AFF2: variants seen among roughly 807,000 people sequenced by gnomAD.
The protein encoded by AFF2 is ALF transcription elongation factor 2, also known as AF4/FMR2 family member 2.
In AFF2, 14 loss-of-function variants were observed where a neutral mutation model predicts 76.9. The observed-to-expected ratio is 0.18, with a 90% CI of 0.12 to 0.28. The LOEUF is 0.28. Ranked by LOEUF, AFF2 falls within the 10% of genes least tolerant of loss-of-function variation. The probability of loss-of-function intolerance (pLI) is 1.00; values close to 1 mark genes in which losing one functional copy is unlikely to be tolerated. For missense variants in AFF2, 868 were observed against 1,001.1 expected, an observed-to-expected ratio of 0.87 and a Z score of 1.79; for synonymous variants, 398 against 366.7, an observed-to-expected ratio of 1.09 and a Z score of -0.98.
At chrX:148,545,806 C>T (rs1188142985) in intron 1 of AFF2, among the ~76,000 whole-genome samples, 1 of 110,906 alleles carries the variant, frequency 9.0e-6, no homozygotes, top group Admixed American at 9.6e-5. Flanking sequence ...TCCCACCCCC[C>T]AAATTTGTGA....
intron 3 of AFF2, among the ~76,000 whole-genome samples, chrX:148,808,131 C>T (rs1344736482): frequency 8.9e-6 from 1 of 112,194 alleles, no homozygotes; most frequent in African/African-American, 3.2e-5. Context: ...CAGCATTTCC[C>T]ATACTTCTTT....
At chrX:148,707,885 A>G (rs921349965) in intron 3 of AFF2, among the ~76,000 whole-genome samples, 12 of 112,172 alleles carry the variant, frequency 1.1e-4, no homozygotes, top group Admixed American at 1.0e-3. Context: ...AGAATAGCTC[A>G]TATTTAAAGA....
At chrX:148,730,506 T>C (rs944870140) in intron 3 of AFF2, among the ~76,000 whole-genome samples, 1 of 112,582 alleles carries the variant, frequency 8.9e-6, no homozygotes, top group Non-Finnish European at 1.9e-5. Context: ...TATTGTAGAG[T>C]GTTAAGAAAA....
chrX:148,605,535 A>G (rs2053663952), intron 1 of AFF2, among the ~76,000 whole-genome samples: 1 of 112,065 alleles, frequency 8.9e-6, no homozygotes, highest in Non-Finnish European at 1.9e-5. Flanking sequence ...TCTAAATACC[A>G]TACTCTGATA....
Position 148,994,718 on chromosome X carries a change from T to A in AFF2, c.*3386T>A, listed in dbSNP as rs146861668. 8.0e-5 allele frequency: 9 copies of A among 112,493 alleles called. No individual in the cohort carries two copies. In the East Asian group the frequency reaches 1.7e-3, roughly 21 times the overall value. The allele number at this position is 112,493 out of a possible 1,213,427, so 9.3% of individuals were successfully genotyped here. A position where few individuals can be genotyped will look rare whatever the true frequency, so the allele number is the denominator to read the frequency against. The stretch of plus-strand genomic sequence containing the variant: ...GATTTTGTCTGCATTGGAAAGATAC[T>A]CTTCTAGCATATCTTTCCCAAAGAT... On this transcript the variant is annotated 3_prime_UTR_variant, in exon 21 of 21. Coordinates refer to ENST00000370460, the MANE Select transcript of AFF2 (RefSeq NM_002025.4).
At chrX:148,865,508 T>C (rs1557276780) in intron 7 of AFF2, among the ~76,000 whole-genome samples, 1 of 112,007 alleles carries the variant, frequency 8.9e-6, no homozygotes, top group Non-Finnish European at 1.9e-5. Flanking sequence ...GGCACCCTCA[T>C]TTGCATCACC....
Position 148,525,026 on chromosome X carries a change from G to T in AFF2, c.47+23882G>T, listed in dbSNP as rs1485632483. Among the ~76,000 whole-genome samples, 15 of 112,282 alleles carry T rather than the reference G, an allele frequency of 1.3e-4. No individual in the cohort carries two copies. In the Admixed American group the frequency reaches 1.4e-3, roughly 11 times the overall value. ...AGCTTCAACTGCAGTTGTAATTGTA[G>T]CTTGTTAAAAATGAAAAACAGAGAT... is the stretch of plus-strand genomic sequence containing the variant. On this transcript the variant is annotated intron_variant, in intron 1 of 20. Coordinates refer to ENST00000370460, the MANE Select transcript of AFF2 (RefSeq NM_002025.4).
intron 3 of AFF2, among the ~76,000 whole-genome samples, chrX:148,695,785 G>A (rs1220547719): frequency 2.7e-5 from 3 of 112,166 alleles, no homozygotes; most frequent in Non-Finnish European, 5.6e-5. Flanking sequence ...ATGTAGTTTA[G>A]AGAAAGTGAT....
chrX:148,853,859 AT>A (rs782710538), intron 7 of AFF2, among the ~76,000 whole-genome samples: 99 of 111,900 alleles, frequency 8.8e-4, no homozygotes, highest in Non-Finnish European at 1.6e-3. Context: ...GAGTGACGGC[AT>A]TTTTCCACTC....
At chrX:148,737,953 T>C (rs2055305412) in intron 3 of AFF2, among the ~76,000 whole-genome samples, 1 of 111,969 alleles carries the variant, frequency 8.9e-6, no homozygotes, top group Non-Finnish European at 1.9e-5. Flanking sequence ...CATCCCTGCA[T>C]CTGTGGTGTG....
intron 4 of AFF2, among the ~76,000 whole-genome samples, chrX:148,831,250 G>A (rs1454088089): frequency 1.8e-5 from 2 of 111,531 alleles, no homozygotes; most frequent in Non-Finnish European, 3.8e-5. Flanking sequence ...GTCCTGAGGC[G>A]ACATTCATCC....
At chrX:148,761,463 T>A (rs898931862) in intron 3 of AFF2, among the ~76,000 whole-genome samples, 9 of 92,590 alleles carry the variant, frequency 9.7e-5, no homozygotes, top group African/African-American at 5.0e-4. Context: ...CTCCAGTTTT[T>A]TTTGTTTTTT....
chrX:148,560,956 TCC>T (rs1433497941), intron 1 of AFF2, among the ~76,000 whole-genome samples: 1 of 111,783 alleles, frequency 8.9e-6, no homozygotes, highest in Admixed American at 9.5e-5. Flanking sequence ...CCTCTGGTCA[TCC>T]ATCAATACTT....
At chrX:148,855,556 CT>C (rs1235440202) in intron 7 of AFF2, among the ~76,000 whole-genome samples, 20 of 111,763 alleles carry the variant, frequency 1.8e-4, no homozygotes, top group African/African-American at 4.5e-4. Flanking sequence ...TCTGAAGTAA[CT>C]TTTTTTTAAA....
chrX:148,783,489 AGTTTTT>A (rs2069771347), intron 3 of AFF2, among the ~76,000 whole-genome samples: 1 of 111,825 alleles, frequency 8.9e-6, no homozygotes, highest in Non-Finnish European at 1.9e-5. Context: ...TATTTTAGTT[AGTTTTT>A]ACAGGTTGGG....
chrX:148,700,471 G>A (rs187348715), intron 3 of AFF2, among the ~76,000 whole-genome samples: 1,541 of 102,247 alleles, frequency 0.015, 33 homozygotes, highest in African/African-American at 0.05. Flanking sequence ...TGGTGATTGC[G>A]GGGGGATTCT....
At chrX:148,665,802 G>A (rs1031069055) in intron 3 of AFF2, among the ~76,000 whole-genome samples, 6 of 111,907 alleles carry the variant, frequency 5.4e-5, no homozygotes, top group African/African-American at 1.9e-4. Flanking sequence ...ACTAGGTTCC[G>A]GGTCTCTAGT....
At chrX:148,965,955 C>T (rs1483049520) in intron 13 of AFF2, among the ~76,000 whole-genome samples, 4 of 111,539 alleles carry the variant, frequency 3.6e-5, no homozygotes, top group South Asian at 3.8e-4. Context: ...TTGCTGGGGG[C>T]GGGAGGGCAG....
chrX:148,809,823 T>C (rs889159165), intron 3 of AFF2, 53 bp from the exon 4 acceptor site: 26 of 1,139,292 alleles, frequency 2.3e-5, no homozygotes, highest in Non-Finnish European at 3.0e-5. Context: ...TAAACTATTA[T>C]ACAAGAAGAA....
Sources: gnomAD v4.1 joint callset for allele counts (sites outside exome capture counted in the v4.1 genomes callset) on GRCh38, gnomAD v4.1.1 for gene constraint, MANE v1.5 for transcripts, NCBI Gene and HGNC (gene_info 2026-07-23, HGNC 2026-07-21) for gene names.